The following TSPAN11 variants were observed in gnomAD, a reference collection of about 807,000 sequenced individuals.
The protein encoded by TSPAN11 is tetraspanin 11.
TSPAN11 carries 29 observed loss-of-function variants against 32.9 expected under a neutral mutation model. The observed-to-expected ratio is 0.88, with a 90% CI of 0.66 to 1.20. The LOEUF (loss-of-function observed/expected upper bound fraction) is 1.20, where lower values mean the gene tolerates loss of function less well. TSPAN11 is among the 50% of genes most tolerant of loss of function. The probability of loss-of-function intolerance (pLI) is 0.00; values close to 1 mark genes in which losing one functional copy is unlikely to be tolerated. For synonymous variants in TSPAN11, 140 were observed against 141.3 expected, an observed-to-expected ratio of 0.99 and a Z score of 0.07; for missense variants, 283 against 329.1, an observed-to-expected ratio of 0.86 and a Z score of 1.08.
the TSPAN11 span, among the ~76,000 whole-genome samples, chr12:31,007,581 C>A: frequency 1.3e-5 from 2 of 152,060 alleles, no homozygotes. Flanking sequence ...GTGGCCCCCA[C>A]CCCGACCCCT....
chr12:30,987,698 C>G (rs1939227171), intron 7 of TSPAN11, among the ~76,000 whole-genome samples: 1 of 152,178 alleles, frequency 6.6e-6, no homozygotes, highest in East Asian at 1.9e-4. Context: ...ATTCGTGAAG[C>G]TCTCTAGTGA....
chr12:30,989,386 C>T (rs1243533516), intron 7 of TSPAN11, among the ~76,000 whole-genome samples: 1 of 152,146 alleles, frequency 6.6e-6, no homozygotes, highest in Admixed American at 6.5e-5. Flanking sequence ...AAAGCCCTGG[C>T]TTGCAGGTGG....
intron 1 of TSPAN11, among the ~76,000 whole-genome samples, chr12:30,942,254 A>T (rs998082877): frequency 4.6e-5 from 7 of 152,230 alleles, no homozygotes; most frequent in African/African-American, 1.7e-4. Context: ...CTGTTCTTAC[A>T]AATCCTCCAT....
intron 3 of TSPAN11, among the ~76,000 whole-genome samples, chr12:30,969,018 T>C (rs1473428806): frequency 6.6e-6 from 1 of 152,194 alleles, no homozygotes; most frequent in African/African-American, 2.4e-5. Flanking sequence ...TTTCAGGTCC[T>C]GGGAAGCAAG....
the TSPAN11 span, among the ~76,000 whole-genome samples, chr12:31,016,177 T>C: frequency 1.3e-5 from 2 of 152,116 alleles, no homozygotes; most frequent in African/African-American, 4.8e-5. Flanking sequence ...ATTGTATGAG[T>C]CCACTTATGT....
intron 3 of TSPAN11, 25 bp downstream of exon 3, chr12:30,964,042 A>G (rs1292687773): frequency 6.2e-7 from 1 of 1,605,640 alleles, no homozygotes; most frequent in Non-Finnish European, 8.5e-7. Flanking sequence ...TGTGCTCTGC[A>G]GGGATGGGGA....
chr12:31,013,664 G>A, the TSPAN11 span, among the ~76,000 whole-genome samples: 1,451 of 151,940 alleles, frequency 9.5e-3, 26 homozygotes, highest in African/African-American at 0.033. Context: ...CTTGAACAAA[G>A]GTATGTAGTG....
chr12:30,950,604 G>A (rs1006456855), intron 1 of TSPAN11, among the ~76,000 whole-genome samples: 4 of 152,168 alleles, frequency 2.6e-5, no homozygotes, highest in Non-Finnish European at 4.4e-5. Flanking sequence ...CAAACATGTA[G>A]CTGAAAGAAA....
chr12:30,942,266 C>T (rs1294790438), intron 1 of TSPAN11, among the ~76,000 whole-genome samples: 1 of 152,178 alleles, frequency 6.6e-6, no homozygotes, highest in African/African-American at 2.4e-5. Context: ...ATCCTCCATC[C>T]CATTTGGTCC....
intron 7 of TSPAN11, 115 bp from the exon 8 acceptor site, chr12:30,991,741 C>T: frequency 9.1e-7 from 1 of 1,100,450 alleles, no homozygotes; most frequent in Admixed American, 1.9e-5. Context: ...AGGAATCTGC[C>T]CTTTGCCCAG....
chr12:30,957,866 T>TCCCA, intron 2 of TSPAN11, among the ~76,000 whole-genome samples: 1 of 97,354 alleles, frequency 1.0e-5, no homozygotes, highest in African/African-American at 3.6e-5. Flanking sequence ...CTTCCTTCCC[T>TCCCA]CCCTCCCTCC....
intron 2 of TSPAN11, 82 bp from the exon 3 acceptor site, chr12:30,963,744 C>T: frequency 6.8e-7 from 1 of 1,473,478 alleles, no homozygotes; most frequent in Non-Finnish European, 9.2e-7. Context: ...AAGAGAAGTG[C>T]CTGGCACCCT....
At chr12:30,943,448 G>A (rs1938207133) in intron 1 of TSPAN11, among the ~76,000 whole-genome samples, 1 of 152,210 alleles carries the variant, frequency 6.6e-6, no homozygotes, top group South Asian at 2.1e-4. Context: ...TAATGCACAT[G>A]CATCACTTGG....
chr12:30,998,579 G>A (rs1939446896), downstream of TSPAN11, among the ~76,000 whole-genome samples: 1 of 152,238 alleles, frequency 6.6e-6, no homozygotes, highest in Non-Finnish European at 1.5e-5. Context: ...GAAAGGGGAG[G>A]ATCCTGCCGG....
chr12:30,976,422 G>C (rs1027481531), intron 3 of TSPAN11, among the ~76,000 whole-genome samples: 13 of 152,146 alleles, frequency 8.5e-5, no homozygotes, highest in Non-Finnish European at 1.8e-4. Flanking sequence ...GCATGTGGTG[G>C]AGCCTGGACC....
rs1271557779 is a variant in TSPAN11, at chr12:30,991,967, T to C, written c.*52T>C. ...CCCCTCAAGACAACATGTGGCCACA[T>C]GCCATCTGCAAGGCCTGCAGAGTTA... On this transcript the variant is annotated 3_prime_UTR_variant, in exon 8 of 8. Coordinates refer to ENST00000546076, the MANE Select transcript of TSPAN11 (RefSeq NM_001370302.1). The C allele has an allele frequency of 2.5e-6, 4 of 1,602,766 alleles. No homozygotes were observed. In the Admixed American group the frequency reaches 5.0e-5, roughly 20 times the overall value.
intron 1 of TSPAN11, among the ~76,000 whole-genome samples, chr12:30,953,197 A>C (rs1340937812): frequency 6.6e-6 from 1 of 152,216 alleles, no homozygotes; most frequent in African/African-American, 2.4e-5. Context: ...GCTAACATTG[A>C]ACACTTATTA....
chr12:31,005,615 C>T, the TSPAN11 span, among the ~76,000 whole-genome samples: 2 of 152,262 alleles, frequency 1.3e-5, no homozygotes, highest in African/African-American at 4.8e-5. Flanking sequence ...GCCCCTCCAC[C>T]ACTGAGAAGG....
At chr12:30,927,418 G>A (rs190286949) in intron 1 of TSPAN11, among the ~76,000 whole-genome samples, 3 of 152,392 alleles carry the variant, frequency 2.0e-5, no homozygotes, top group East Asian at 3.9e-4. Flanking sequence ...CTTTTCACCA[G>A]CCATATGTGC....
Sources: gnomAD v4.1 joint callset for allele counts (sites outside exome capture counted in the v4.1 genomes callset) on GRCh38, gnomAD v4.1.1 for gene constraint, MANE v1.5 for transcripts, NCBI Gene and HGNC (gene_info 2026-07-23, HGNC 2026-07-21) for gene names.